The following LARS2 variants were observed in gnomAD, a reference collection of about 807,000 sequenced individuals.
The protein encoded by LARS2 is leucyl-tRNA synthetase 2, mitochondrial, also known as leucine--tRNA ligase, mitochondrial.
Under a neutral mutation model 116.6 loss-of-function variants are expected in LARS2, and 81 were observed. That is an observed-to-expected ratio of 0.69 (90% CI 0.58 to 0.84). LARS2 has a LOEUF of 0.84. Among genes scored for constraint, LARS2 ranks in the 40% least tolerant of loss-of-function variants. The pLI is 0.00. For missense variants in LARS2, 968 were observed against 1,114.5 expected (o/e 0.87, Z 1.87); for synonymous variants, 396 against 407.2 (o/e 0.97, Z 0.33).
At chr3:45,426,699 CAT>C (rs1414272893) in intron 6 of LARS2, among the ~76,000 whole-genome samples, 1 of 152,180 alleles carries the variant, frequency 6.6e-6, no homozygotes, top group Non-Finnish European at 1.5e-5. Flanking sequence ...CGGTCAAAAA[CAT>C]ATGAGGTGTG....
chr3:45,542,007 G>C (rs768800705), intron 21 of LARS2, 51 bp downstream of exon 21: 5 of 1,606,750 alleles, frequency 3.1e-6, no homozygotes, highest in Non-Finnish European at 4.3e-6. Context: ...CCCTGCTGGT[G>C]GCCCCTAAAT....
chr3:45,461,913 A>T (rs779731270), intron 8 of LARS2, among the ~76,000 whole-genome samples: 5 of 152,204 alleles, frequency 3.3e-5, no homozygotes, highest in Non-Finnish European at 7.3e-5. Flanking sequence ...AAATAATAGG[A>T]AAATTACTAT....
chr3:45,411,865 C>T (rs974422631), intron 4 of LARS2, among the ~76,000 whole-genome samples: 2 of 152,112 alleles, frequency 1.3e-5, no homozygotes, highest in Non-Finnish European at 2.9e-5. Context: ...CTCAGGTAGG[C>T]CCCAGTGTCT....
intron 4 of LARS2, among the ~76,000 whole-genome samples, chr3:45,411,254 G>A (rs1040358370): frequency 2.6e-5 from 4 of 152,190 alleles, no homozygotes; most frequent in African/African-American, 9.7e-5. Context: ...CATTTATTCA[G>A]CACACATTCA....
Position 45,488,686 on chromosome 3 carries a change from C to T in LARS2, c.1124-11C>T, listed in dbSNP as rs370624356. ...TGAAGGAAATGTTTTCTTTTCTTCTCCTCTGAATAGGAATTCCCAGTACTA... is the reference window on the plus strand; with the variant it reads ...TGAAGGAAATGTTTTCTTTTCTTCTTCTCTGAATAGGAATTCCCAGTACTA... On this transcript the variant is annotated splice_polypyrimidine_tract_variant and intron_variant, in intron 11 of 21. Coordinates refer to ENST00000645846, the MANE Select transcript of LARS2 (RefSeq NM_015340.4). 4 of 1,530,930 alleles carry T rather than the reference C, an allele frequency of 2.6e-6. No homozygotes were observed. Among genetic ancestry groups the T allele is most frequent in the Non-Finnish European group, 3.6e-6 (4 of 1,104,140 alleles). The allele number at this position is 1,530,930 out of a possible 1,614,324, so 94.8% of individuals were successfully genotyped here. A position where few individuals can be genotyped will look rare whatever the true frequency, so the allele number is the denominator to read the frequency against.
intron 9 of LARS2, among the ~76,000 whole-genome samples, chr3:45,474,838 A>G (rs373611687): frequency 3.9e-5 from 6 of 152,216 alleles, no homozygotes; most frequent in Admixed American, 2.0e-4. Context: ...TATAGTCTCA[A>G]AGGGGTTCAT....
At chr3:45,448,616 A>G (rs1352963682) in intron 7 of LARS2, among the ~76,000 whole-genome samples, 1 of 152,246 alleles carries the variant, frequency 6.6e-6, no homozygotes, top group Non-Finnish European at 1.5e-5. Context: ...GGGAGTCATT[A>G]GCATTGCTTC....
intron 6 of LARS2, among the ~76,000 whole-genome samples, chr3:45,430,440 C>A (rs538581816): frequency 4.4e-5 from 6 of 137,844 alleles, no homozygotes; most frequent in East Asian, 4.5e-4. Flanking sequence ...CACCATGCCC[C>A]GCTAAATTTT....
intron 7 of LARS2, among the ~76,000 whole-genome samples, chr3:45,448,122 G>T (rs754176527): frequency 6.6e-6 from 1 of 152,020 alleles, no homozygotes; most frequent in African/African-American, 2.4e-5. Flanking sequence ...TACTCAAGAC[G>T]GTGAGGTAAG....
chr3:45,417,795 T>A (rs2286907), intron 5 of LARS2, among the ~76,000 whole-genome samples: 27 of 152,022 alleles, frequency 1.8e-4, no homozygotes, highest in African/African-American at 6.0e-4. Flanking sequence ...TTCATTTTGA[T>A]GCTTTGTTAT....
chr3:45,489,667 A>G (rs914204446), intron 12 of LARS2, among the ~76,000 whole-genome samples: 3 of 152,196 alleles, frequency 2.0e-5, no homozygotes, highest in African/African-American at 4.8e-5. Flanking sequence ...TATGATTTGT[A>G]TGCACATTAG....
At chr3:45,500,013 T>G (rs1700092789) in intron 14 of LARS2, among the ~76,000 whole-genome samples, 1 of 152,180 alleles carries the variant, frequency 6.6e-6, no homozygotes, top group Non-Finnish European at 1.5e-5. Flanking sequence ...TTGTCTGTTT[T>G]GTTTTTGAGA....
At chr3:45,434,641 A>G (rs1698771316) in intron 6 of LARS2, among the ~76,000 whole-genome samples, 1 of 152,110 alleles carries the variant, frequency 6.6e-6, no homozygotes, top group African/African-American at 2.4e-5. Flanking sequence ...ATGGCTAATG[A>G]TTTTCTATTG....
chr3:45,496,132 TA>T, intron 13 of LARS2, 142 bp from the exon 14 acceptor site: 1 of 632,392 alleles, frequency 1.6e-6, no homozygotes, highest in Middle Eastern at 4.5e-4. Flanking sequence ...GTGCTGGGAT[TA>T]CAAGCGTGAG....
chr3:45,496,056 T>C (rs930395166), intron 13 of LARS2, among the ~76,000 whole-genome samples: 2 of 152,186 alleles, frequency 1.3e-5, no homozygotes, highest in African/African-American at 4.8e-5. Flanking sequence ...AGATGGGGTT[T>C]CACCATGTTG....
intron 19 of LARS2, among the ~76,000 whole-genome samples, chr3:45,522,306 T>G (rs1700467537): frequency 6.6e-6 from 1 of 152,204 alleles, no homozygotes. Flanking sequence ...AACCCCAGTG[T>G]CCTCTGATGG....
chr3:45,457,302 T>C (rs375433064), intron 7 of LARS2, among the ~76,000 whole-genome samples: 14 of 152,208 alleles, frequency 9.2e-5, no homozygotes, highest in African/African-American at 3.1e-4. Flanking sequence ...GGTCAACTTC[T>C]TGGGCCACAG....
intron 20 of LARS2, among the ~76,000 whole-genome samples, chr3:45,529,542 T>A (rs1053097602): frequency 2.1e-5 from 3 of 142,996 alleles, no homozygotes; most frequent in African/African-American, 7.9e-5. Flanking sequence ...AGAGCGAAAC[T>A]CCATCTCCAA....
intron 8 of LARS2, among the ~76,000 whole-genome samples, chr3:45,470,284 C>T (rs887618433): frequency 3.3e-5 from 5 of 152,186 alleles, no homozygotes; most frequent in African/African-American, 9.6e-5. Context: ...TCATATTAGC[C>T]GCGTTATATT....
Sources: allele counts gnomAD v4.1 joint callset (sites outside exome capture counted in the v4.1 genomes callset), GRCh38; gene constraint gnomAD v4.1.1; transcripts MANE v1.5; gene names NCBI Gene and HGNC (gene_info 2026-07-23, HGNC 2026-07-21).